EIF3H: variants seen among roughly 807,000 people sequenced by gnomAD.
The protein encoded by EIF3H is eIF-3-gamma.
Under a neutral mutation model 44.2 loss-of-function variants are expected in EIF3H, and 26 were observed. The ratio of observed to expected loss-of-function variants is 0.59; its 90% confidence interval spans 0.43 to 0.82. The LOEUF (loss-of-function observed/expected upper bound fraction) is 0.82. EIF3H is among the 40% of genes least tolerant of loss of function. The probability of loss-of-function intolerance (pLI) is 0.00; values close to 1 mark genes in which losing one functional copy is unlikely to be tolerated. For synonymous variants in EIF3H, 166 were observed against 151.9 expected, an observed-to-expected ratio of 1.09 and a Z score of -0.68; for missense variants, 359 against 432.8, an observed-to-expected ratio of 0.83 and a Z score of 1.51.
rs748289748 is a variant in EIF3H, at chr8:116,755,684, T to C, written c.114A>G (p.Gln38=). 1.9e-6 allele frequency: 3 copies of C among 1,614,168 alleles called. No homozygotes were observed. The highest frequency in any genetic ancestry group is 2.2e-5 in the East Asian group (1 of 44,880). ...KGGSGDSAVK[Q]VQIDGLVVLK... ...CACTCACAAGGCCATCTATCTGCAC[T>C]TGCTTCACGGCTGAATCTCCCGAGC... is the stretch of plus-strand genomic sequence containing the variant. The change falls in exon 1 of 8, where the codon CAA becomes CAG. Residue 38 remains glutamine (Q), a synonymous_variant. Coordinates refer to ENST00000521861, the MANE Select transcript of EIF3H (RefSeq NM_003756.3).
At chr8:116,670,606 C>T (rs1435631940) in intron 2 of EIF3H, among the ~76,000 whole-genome samples, 4 of 152,218 alleles carry the variant, frequency 2.6e-5, no homozygotes, top group South Asian at 2.1e-4. Context: ...TGCCCTTACC[C>T]GCAAGGTGAT....
intron 2 of EIF3H, among the ~76,000 whole-genome samples, chr8:116,682,846 T>C (rs1814014101): frequency 6.6e-6 from 1 of 152,184 alleles, no homozygotes; most frequent in Non-Finnish European, 1.5e-5. Context: ...TTTGCTACGG[T>C]TGTGACCCAT....
chr8:116,648,762 A>G (rs1417028271), intron 6 of EIF3H, 44 bp downstream of exon 6: 16 of 1,544,542 alleles, frequency 1.0e-5, no homozygotes, highest in Middle Eastern at 1.7e-4. Context: ...GAAATACATG[A>G]AACTTAGAAA....
chr8:116,723,636 A>G (rs1301399031), intron 2 of EIF3H, among the ~76,000 whole-genome samples: 1 of 152,220 alleles, frequency 6.6e-6, no homozygotes, highest in Non-Finnish European at 1.5e-5. Context: ...AAGGTGTGTA[A>G]GTCAAATGAA....
chr8:116,688,696 C>A (rs1241758629), intron 2 of EIF3H, among the ~76,000 whole-genome samples: 1 of 147,392 alleles, frequency 6.8e-6, no homozygotes, highest in Non-Finnish European at 1.5e-5. Flanking sequence ...TATTTCTTGA[C>A]CAAAGTAATG....
chr8:116,756,702 A>G (rs894242742), upstream of EIF3H, among the ~76,000 whole-genome samples: 50 of 152,206 alleles, frequency 3.3e-4, no homozygotes, highest in African/African-American at 1.1e-3. Context: ...CTGGTGTTAT[A>G]TTTCAATCTG....
intron 2 of EIF3H, among the ~76,000 whole-genome samples, chr8:116,684,046 T>C (rs1814034372): frequency 6.6e-6 from 1 of 152,216 alleles, no homozygotes; most frequent in Non-Finnish European, 1.5e-5. Context: ...CCTGCAGTAG[T>C]ACAACTTTAA....
At chr8:116,670,147 G>A (rs199652167) in intron 2 of EIF3H, among the ~76,000 whole-genome samples, 1 of 152,128 alleles carries the variant, frequency 6.6e-6, no homozygotes, top group African/African-American at 2.4e-5. Flanking sequence ...ATATGCATAC[G>A]CACTACTATG....
chr8:116,705,875 C>T (rs1814460773), intron 2 of EIF3H, among the ~76,000 whole-genome samples: 1 of 151,766 alleles, frequency 6.6e-6, no homozygotes, highest in Non-Finnish European at 1.5e-5. Flanking sequence ...TAAGGGAAAA[C>T]TGGTTGAAGG....
intron 1 of EIF3H, among the ~76,000 whole-genome samples, chr8:116,727,800 T>C (rs1015917080): frequency 5.3e-5 from 8 of 152,236 alleles, no homozygotes; most frequent in Non-Finnish European, 1.0e-4. Flanking sequence ...TGGCTCTCCC[T>C]GTCATAATTC....
At chr8:116,728,706 A>G in intron 1 of EIF3H, among the ~76,000 whole-genome samples, 1 of 152,160 alleles carries the variant, frequency 6.6e-6, no homozygotes, top group East Asian at 1.9e-4. Context: ...AGACCTCTCC[A>G]CTTCTTGAAA....
At chr8:116,697,486 T>C (rs558235001) in intron 2 of EIF3H, among the ~76,000 whole-genome samples, 2 of 152,284 alleles carry the variant, frequency 1.3e-5, no homozygotes, top group Admixed American at 6.5e-5. Flanking sequence ...CAGTCAGCTT[T>C]TGAATTACAC....
At chr8:116,672,211 C>T (rs1813769535) in intron 2 of EIF3H, among the ~76,000 whole-genome samples, 1 of 152,118 alleles carries the variant, frequency 6.6e-6, no homozygotes, top group Non-Finnish European at 1.5e-5. Flanking sequence ...GTATTAGAAT[C>T]AATTATCTCT....
At chr8:116,693,440 C>T (rs980813788) in intron 2 of EIF3H, among the ~76,000 whole-genome samples, 1 of 152,152 alleles carries the variant, frequency 6.6e-6, no homozygotes, top group Non-Finnish European at 1.5e-5. Context: ...AAACACACTG[C>T]TGCATTGATA....
intron 1 of EIF3H, among the ~76,000 whole-genome samples, chr8:116,741,877 T>C (rs556649386): frequency 1.5e-4 from 23 of 152,362 alleles, no homozygotes; most frequent in African/African-American, 5.3e-4. Context: ...TAAGCCTAGA[T>C]AATTTTTTCT....
At chr8:116,650,751 A>G (rs186658467) in intron 5 of EIF3H, among the ~76,000 whole-genome samples, 18 of 152,280 alleles carry the variant, frequency 1.2e-4, no homozygotes, top group Admixed American at 1.1e-3. Flanking sequence ...GGTTCAAGCA[A>G]TTCTTGTGCC....
chr8:116,732,300 C>G (rs1417240348), intron 1 of EIF3H, among the ~76,000 whole-genome samples: 2 of 151,996 alleles, frequency 1.3e-5, no homozygotes, highest in Non-Finnish European at 2.9e-5. Flanking sequence ...CAAGTATTCT[C>G]TGTATTATAG....
At chr8:116,728,759 A>C (rs1814898855) in intron 1 of EIF3H, among the ~76,000 whole-genome samples, 2 of 152,186 alleles carry the variant, frequency 1.3e-5, no homozygotes, top group South Asian at 4.1e-4. Flanking sequence ...TATGGGTATG[A>C]GTTCCAGCTC....
intron 2 of EIF3H, among the ~76,000 whole-genome samples, chr8:116,681,905 T>C (rs76204234): frequency 1.2e-3 from 187 of 152,218 alleles, no homozygotes; most frequent in African/African-American, 4.3e-3. Flanking sequence ...ACAAAAGTGA[T>C]AGTTAAGTTT....
Sources: allele counts gnomAD v4.1 joint callset (sites outside exome capture counted in the v4.1 genomes callset), GRCh38; gene constraint gnomAD v4.1.1; transcripts MANE v1.5; gene names NCBI Gene and HGNC (gene_info 2026-07-23, HGNC 2026-07-21).